ANKRD55: variants seen among roughly 807,000 people sequenced by gnomAD.
ANKRD55 encodes the protein ankyrin repeat domain 55, also known as ankyrin repeat domain-containing protein 55.
ANKRD55 carries 41 observed loss-of-function variants against 60.6 expected under a neutral mutation model. The ratio of observed to expected loss-of-function variants is 0.68; its 90% confidence interval spans 0.53 to 0.88. The LOEUF is 0.88. Ranked by LOEUF, ANKRD55 falls within the 40% of genes least tolerant of loss-of-function variation. The probability of loss-of-function intolerance (pLI) is 0.00; values close to 1 mark genes in which losing one functional copy is unlikely to be tolerated. For missense variants in ANKRD55, 732 were observed against 767.6 expected (o/e 0.95, Z 0.55); for synonymous variants, 264 against 290.3 (o/e 0.91, Z 0.92).
intron 7 of ANKRD55, chr5:56,137,574 A>G: frequency 2.9e-6 from 2 of 697,520 alleles, no homozygotes; most frequent in South Asian, 1.5e-5. Context: ...AAAGAAAAAA[A>G]AAAAGAATTC....
intron 2 of ANKRD55, among the ~76,000 whole-genome samples, chr5:56,210,560 C>CAAAAA (rs59566826): frequency 5.3e-3 from 344 of 64,580 alleles, no homozygotes; most frequent in Middle Eastern, 9.3e-3. Flanking sequence ...GACTACGTCT[C>CAAAAA]AAAAAAAAAA....
At chr5:56,106,188 G>A (rs1427801121) in intron 10 of ANKRD55, among the ~76,000 whole-genome samples, 1 of 152,124 alleles carries the variant, frequency 6.6e-6, no homozygotes, top group Admixed American at 6.6e-5. Flanking sequence ...CAAACCCAGG[G>A]CAGGAAAGGA....
intron 7 of ANKRD55, among the ~76,000 whole-genome samples, chr5:56,141,130 G>GTTTTTTTTTT (rs33972955): frequency 1.8e-5 from 2 of 111,772 alleles, no homozygotes; most frequent in Non-Finnish European, 3.5e-5. Context: ...TGCACACACA[G>GTTTTTTTTTT]TTTTTTTTTT....
At chr5:56,156,835 G>C (rs1332211696) in intron 6 of ANKRD55, 1 of 152,216 alleles carries the variant, frequency 6.6e-6, no homozygotes, top group East Asian at 1.9e-4. Context: ...TGAAGATATG[G>C]GGAGTGAAAG....
Position 56,144,265 on chromosome 5 carries a change from C to T in ANKRD55, c.484-336G>A, listed in dbSNP as rs114772593. 4.8e-3 allele frequency among the ~76,000 whole-genome samples: 736 copies of T among 152,230 alleles called. 2 individuals are homozygous for T. Among genetic ancestry groups the T allele is most frequent in the Non-Finnish European group, 8.2e-3 (561 of 68,018 alleles). ...ATTGATAAATACTATGAAGAATGCA[C>T]GTAGGATGCTGGTGAGAGAGTAACC... On this transcript the variant is annotated intron_variant, in intron 6 of 11. Transcript: ENST00000341048.
intron 8 of ANKRD55, among the ~76,000 whole-genome samples, chr5:56,120,658 G>C (rs1757018429): frequency 6.6e-6 from 1 of 152,132 alleles, no homozygotes; most frequent in Non-Finnish European, 1.5e-5. Flanking sequence ...CCACCACTTT[G>C]GGAGGCCAAG....
Position 56,116,787 on chromosome 5 carries a change from A to AG in ANKRD55, c.798-6dup. On this transcript the variant is annotated splice_polypyrimidine_tract_variant and splice_region_variant and intron_variant, in intron 8 of 11. Coordinates refer to ENST00000341048, the MANE Select transcript of ANKRD55 (RefSeq NM_024669.3). ...GCAGCCCAGTGCAGAGGTGTCCTGGAGGGGCCATGTGAAAAAAGCACAAGC... is the reference window on the plus strand; with the variant it reads ...GCAGCCCAGTGCAGAGGTGTCCTGGAGGGGGCCATGTGAAAAAAGCACAAGC... The AG allele has an allele frequency of 6.3e-7, 1 of 1,598,360 alleles. No homozygotes were observed. The highest frequency in any genetic ancestry group is 8.5e-7 in the Non-Finnish European group (1 of 1,173,546).
intron 4 of ANKRD55, among the ~76,000 whole-genome samples, chr5:56,174,547 A>G (rs190686092): frequency 3.3e-5 from 5 of 152,294 alleles, no homozygotes; most frequent in Admixed American, 2.0e-4. Context: ...ATATGCACAG[A>G]CCAGTGGCTT....
At chr5:56,142,425 C>T (rs1396462087) in intron 7 of ANKRD55, among the ~76,000 whole-genome samples, 3 of 152,202 alleles carry the variant, frequency 2.0e-5, no homozygotes, top group Non-Finnish European at 2.9e-5. Flanking sequence ...TGTTGTTTTA[C>T]AAGCACTGCT....
At chr5:56,216,216 C>T (rs1250456761) in intron 2 of ANKRD55, among the ~76,000 whole-genome samples, 1 of 151,812 alleles carries the variant, frequency 6.6e-6, no homozygotes, top group Non-Finnish European at 1.5e-5. Flanking sequence ...TTTGATGTTA[C>T]TATTGTAATT....
intron 7 of ANKRD55, among the ~76,000 whole-genome samples, chr5:56,132,850 A>G (rs1031118456): frequency 6.6e-6 from 1 of 152,168 alleles, no homozygotes; most frequent in Non-Finnish European, 1.5e-5. Context: ...CACTAACCAA[A>G]AGAAAGCAGG....
rs200349739 is a variant in ANKRD55 at position 56,212,049 on chromosome 5, G to GACACAC, written c.58+20801_58+20806dup. 3.1e-3 allele frequency among the ~76,000 whole-genome samples: 408 copies of GACACAC among 130,218 alleles called. 1 individual carries two copies. Among genetic ancestry groups the GACACAC allele is most frequent in the East Asian group, 0.02 (85 of 4,296 alleles). 85.4% of individuals were successfully genotyped at this position (130,218 alleles called of 152,430 possible). A position where few individuals can be genotyped will look rare whatever the true frequency, so the allele number is the denominator to read the frequency against. The stretch of plus-strand genomic sequence containing the variant: ...TCTAAGATTAGCATAAACTGGTAAA[G>GACACAC]ACACACACACACACACACACACACA... On this transcript the variant is annotated intron_variant, in intron 2 of 11. Coordinates refer to ENST00000341048, the MANE Select transcript of ANKRD55 (RefSeq NM_024669.3).
intron 3 of ANKRD55, among the ~76,000 whole-genome samples, chr5:56,178,887 A>C (rs1409250026): frequency 8.5e-6 from 1 of 118,218 alleles, no homozygotes; most frequent in Non-Finnish European, 1.6e-5. Context: ...CAATTATAAA[A>C]CATCTGAAAT....
chr5:56,225,154 C>T (rs1372601713), intron 2 of ANKRD55, among the ~76,000 whole-genome samples: 1 of 152,158 alleles, frequency 6.6e-6, no homozygotes, highest in Non-Finnish European at 1.5e-5. Flanking sequence ...TTGGCTTCAT[C>T]CCTGGGATGC....
At chr5:56,134,309 G>A (rs1483746452) in intron 7 of ANKRD55, among the ~76,000 whole-genome samples, 1 of 115,526 alleles carries the variant, frequency 8.7e-6, no homozygotes, top group African/African-American at 2.8e-5. Flanking sequence ...TGGGTGCGGT[G>A]GCTTACGCCT....
chr5:56,152,984 C>T (rs538403997), intron 6 of ANKRD55, among the ~76,000 whole-genome samples: 2 of 152,136 alleles, frequency 1.3e-5, no homozygotes, highest in East Asian at 3.9e-4. Flanking sequence ...AGAAAAGGTA[C>T]TATGAACTAT....
In ANKRD55 at chr5:56,140,789, G is replaced by A. The variant is rs143147792; in HGVS notation, c.612+3012C>T. ...TTAAATAATGTATGTGTGGCTGGGCGTAGTGGTTCATGCCAGTAATCCCAG... is the reference window on the plus strand; with the variant it reads ...TTAAATAATGTATGTGTGGCTGGGCATAGTGGTTCATGCCAGTAATCCCAG... On this transcript the variant is annotated intron_variant, in intron 7 of 11. Transcript: ENST00000341048. 2.1e-3 allele frequency among the ~76,000 whole-genome samples: 323 copies of A among 152,286 alleles called. 1 individual carries two copies. The highest frequency in any genetic ancestry group is 7.5e-3 in the African/African-American group (310 of 41,564).
chr5:56,125,412 C>G (rs1757216707), intron 8 of ANKRD55, among the ~76,000 whole-genome samples: 1 of 151,940 alleles, frequency 6.6e-6, no homozygotes, highest in Admixed American at 6.6e-5. Flanking sequence ...TCCTGAGTAG[C>G]TGGGATTATA....
At chr5:56,162,671 CAA>C (rs1491262712) in intron 5 of ANKRD55, among the ~76,000 whole-genome samples, 1,665 of 81,686 alleles carry the variant, frequency 0.02, 31 homozygotes, top group African/African-American at 0.076. Context: ...AATTTTTGGT[CAA>C]TTTTTTTTTT....
Sources: gnomAD v4.1 joint callset for allele counts (sites outside exome capture counted in the v4.1 genomes callset) on GRCh38, gnomAD v4.1.1 for gene constraint, MANE v1.5 for transcripts, NCBI Gene and HGNC (gene_info 2026-07-23, HGNC 2026-07-21) for gene names.